LRRC37A2: variants seen among roughly 807,000 people sequenced by gnomAD.
The protein encoded by LRRC37A2 is leucine rich repeat containing 37 member A2, also known as leucine-rich repeat-containing protein 37A2.
In LRRC37A2, 9 loss-of-function variants were observed where a neutral mutation model predicts 68.8. The observed-to-expected ratio is 0.13, with a 90% confidence interval of 0.08 to 0.23. The LOEUF is 0.23. Among genes scored for constraint, LRRC37A2 ranks in the 10% least tolerant of loss-of-function variants. The pLI is 1.00. For synonymous variants in LRRC37A2, 63 were observed against 367.6 expected (o/e 0.17, Z 9.48); for missense variants, 168 against 950.4 (o/e 0.18, Z 10.82).
At chr17:46,738,963 C>T in the LRRC37A2 span, among the ~76,000 whole-genome samples, 12 of 151,842 alleles carry the variant, frequency 7.9e-5, no homozygotes, top group Middle Eastern at 6.3e-3. Context: ...AGTCCAGGCA[C>T]GGTGGCTCAC....
the LRRC37A2 span, among the ~76,000 whole-genome samples, chr17:47,009,465 G>T: frequency 2.0e-5 from 3 of 152,182 alleles, no homozygotes; most frequent in African/African-American, 7.2e-5. Context: ...GGGAGCTGGG[G>T]GTGGAGGGTC....
the LRRC37A2 span, among the ~76,000 whole-genome samples, chr17:46,963,080 C>G: frequency 6.6e-6 from 1 of 152,364 alleles, no homozygotes; most frequent in Non-Finnish European, 1.5e-5. Context: ...TTCACACTCT[C>G]AACCACTGCA....
the LRRC37A2 span, chr17:46,979,365 C>T: frequency 5.8e-6 from 1 of 172,792 alleles, no homozygotes; most frequent in South Asian, 2.0e-4. Context: ...GGAATCCCGC[C>T]GCGGGCGCAG....
At chr17:46,772,789 C>T in the LRRC37A2 span, among the ~76,000 whole-genome samples, 2 of 151,236 alleles carry the variant, frequency 1.3e-5, no homozygotes, top group Non-Finnish European at 2.9e-5. Flanking sequence ...CAGCACCCCA[C>T]CCCTTCACCT....
the LRRC37A2 span, chr17:46,830,864 C>A: frequency 1.7e-4 from 67 of 397,854 alleles, no homozygotes; most frequent in Non-Finnish European, 2.7e-4. Context: ...AAGAAAAAGT[C>A]TGGTTGGTCC....
the LRRC37A2 span, among the ~76,000 whole-genome samples, chr17:46,842,943 A>C: frequency 6.6e-6 from 1 of 152,222 alleles, no homozygotes; most frequent in Non-Finnish European, 1.5e-5. Flanking sequence ...GAAGAAACCG[A>C]GGTCGCAGAG....
the LRRC37A2 span, among the ~76,000 whole-genome samples, chr17:46,900,240 CAT>C: frequency 9.7e-5 from 13 of 134,586 alleles, no homozygotes; most frequent in East Asian, 1.7e-3. Context: ...TATATACACA[CAT>C]ATATATATGT....
At chr17:46,984,277 G>C in the LRRC37A2 span, among the ~76,000 whole-genome samples, 1 of 144,390 alleles carries the variant, frequency 6.9e-6, no homozygotes, top group Non-Finnish European at 1.5e-5. Context: ...CTACAACTAA[G>C]CTCAAAGTCT....
chr17:46,927,089 C>G, the LRRC37A2 span, among the ~76,000 whole-genome samples: 1 of 152,226 alleles, frequency 6.6e-6, no homozygotes, highest in South Asian at 2.1e-4. Flanking sequence ...AAATATTTGT[C>G]AGTTTGATGG....
the LRRC37A2 span, among the ~76,000 whole-genome samples, chr17:46,771,882 G>T: frequency 7.2e-6 from 1 of 138,078 alleles, no homozygotes; most frequent in Non-Finnish European, 1.6e-5. Context: ...TCCGGCGCCC[G>T]CCCCCGCCCC....
chr17:46,926,745 G>A, the LRRC37A2 span, among the ~76,000 whole-genome samples: 1 of 152,184 alleles, frequency 6.6e-6, no homozygotes. Flanking sequence ...TGTTTTCTTA[G>A]CATGAAATGT....
chr17:46,857,067 T>G, the LRRC37A2 span, among the ~76,000 whole-genome samples: 1 of 152,186 alleles, frequency 6.6e-6, no homozygotes, highest in Non-Finnish European at 1.5e-5. Context: ...GCTTTTGAGA[T>G]TCATCCATGT....
the LRRC37A2 span, among the ~76,000 whole-genome samples, chr17:46,974,862 C>T: frequency 6.6e-6 from 1 of 152,104 alleles, no homozygotes; most frequent in Non-Finnish European, 1.5e-5. Flanking sequence ...GGAGGAGCTA[C>T]AAAACCTTCT....
the LRRC37A2 span, among the ~76,000 whole-genome samples, chr17:46,985,414 G>A: frequency 6.6e-6 from 1 of 152,020 alleles, no homozygotes; most frequent in African/African-American, 2.4e-5. Flanking sequence ...CAGCTACTCA[G>A]GAGGCTGAGG....
chr17:46,703,680 C>CAA, the LRRC37A2 span, among the ~76,000 whole-genome samples: 422 of 36,458 alleles, frequency 0.012, no homozygotes, highest in Middle Eastern at 0.045. Flanking sequence ...GACTCCGTCT[C>CAA]AAAAAAAAAA....
At chr17:46,747,809 A>G in the LRRC37A2 span, among the ~76,000 whole-genome samples, 1 of 152,228 alleles carries the variant, frequency 6.6e-6, no homozygotes, top group African/African-American at 2.4e-5. Context: ...AGAGGTTCCC[A>G]GTGGGTGATA....
chr17:46,940,370 G>A, the LRRC37A2 span: 7 of 1,509,560 alleles, frequency 4.6e-6, no homozygotes, highest in Admixed American at 2.0e-5. Flanking sequence ...AGTTAAAGCA[G>A]TGACTGGAGG....
chr17:46,871,945 T>G, the LRRC37A2 span, among the ~76,000 whole-genome samples: 12 of 152,308 alleles, frequency 7.9e-5, 1 homozygote, highest in East Asian at 2.3e-3. Flanking sequence ...ACATGTTAGA[T>G]TGGTACAGGA....
At chr17:46,620,310 G>T in the LRRC37A2 span, among the ~76,000 whole-genome samples, 1 of 9,232 alleles carries the variant, frequency 1.1e-4, no homozygotes, top group Non-Finnish European at 1.7e-4. Context: ...TTTTTCTCTC[G>T]CTCTCTTTTT....
Sources: gnomAD v4.1 joint callset for allele counts (sites outside exome capture counted in the v4.1 genomes callset) on GRCh38, gnomAD v4.1.1 for gene constraint, MANE v1.5 for transcripts, NCBI Gene and HGNC (gene_info 2026-07-23, HGNC 2026-07-21) for gene names.